NRG3: variants seen among roughly 807,000 people sequenced by gnomAD.
NRG3 encodes the protein pro-neuregulin-3, membrane-bound isoform.
NRG3 carries 31 observed loss-of-function variants against 66.9 expected under a neutral mutation model. The ratio of observed to expected loss-of-function variants is 0.46; its 90% confidence interval spans 0.35 to 0.63. NRG3 has a LOEUF of 0.63. NRG3 is among the 20% of genes least tolerant of loss of function. NRG3 has a pLI of 0.00. For missense variants in NRG3, 910 were observed against 878.9 expected (o/e 1.04, Z -0.45); for synonymous variants, 393 against 359.4 (o/e 1.09, Z -1.06).
chr10:82,960,596 G>A (rs1056018981), intron 6 of NRG3, among the ~76,000 whole-genome samples: 11 of 151,828 alleles, frequency 7.2e-5, no homozygotes, highest in African/African-American at 1.5e-4. Flanking sequence ...ACCTGCACGT[G>A]CACATCCAGA....
At chr10:82,407,806 C>T (rs1290884794) in intron 2 of NRG3, among the ~76,000 whole-genome samples, 2 of 152,122 alleles carry the variant, frequency 1.3e-5, no homozygotes, top group African/African-American at 2.4e-5. Flanking sequence ...TGTGGTGGCT[C>T]ATGCCTATAA....
rs1378135162 is a variant in NRG3 at position 82,392,007 on chromosome 10, AAAAC to A, written c.953+33143_953+33146del. Among the ~76,000 whole-genome samples, 937 of 148,056 alleles carry A rather than the reference AAAAC, an allele frequency of 6.3e-3. 29 individuals are homozygous for A. The highest frequency in any genetic ancestry group is 0.015 in the South Asian group (69 of 4,678). ...TCGAGCACATGCAAAAAAAAAAAAAAAAACAAAAAAAAAACCCACGAAACTAGGA... is the reference window on the plus strand; with the variant it reads ...TCGAGCACATGCAAAAAAAAAAAAAAAAAAAAAAAACCCACGAAACTAGGA... On this transcript the variant is annotated intron_variant, in intron 2 of 8. Transcript: ENST00000372141.
intron 3 of NRG3, among the ~76,000 whole-genome samples, chr10:82,765,554 A>G (rs1437092325): frequency 1.3e-5 from 2 of 152,224 alleles, no homozygotes; most frequent in African/African-American, 4.8e-5. Flanking sequence ...AATTAACACT[A>G]TTTTCCAGGA....
At chr10:82,468,646 G>T (rs937017675) in intron 2 of NRG3, among the ~76,000 whole-genome samples, 3 of 152,182 alleles carry the variant, frequency 2.0e-5, no homozygotes, top group Non-Finnish European at 4.4e-5. Flanking sequence ...TGTGAGGAGG[G>T]TGTTGAATTA....
intron 3 of NRG3, among the ~76,000 whole-genome samples, chr10:82,780,469 T>G (rs1283920638): frequency 1.3e-5 from 2 of 149,502 alleles, no homozygotes; most frequent in African/African-American, 2.5e-5. Flanking sequence ...GCCTCTTTTT[T>G]TTTTTCTTTT....
intron 2 of NRG3, among the ~76,000 whole-genome samples, chr10:82,542,572 A>G (rs2043615525): frequency 6.6e-6 from 1 of 152,266 alleles, no homozygotes; most frequent in Non-Finnish European, 1.5e-5. Flanking sequence ...GACTAACTGT[A>G]CTGTAAGAAA....
intron 1 of NRG3, among the ~76,000 whole-genome samples, chr10:82,126,783 A>G (rs1300654960): frequency 6.6e-6 from 1 of 152,002 alleles, no homozygotes; most frequent in Non-Finnish European, 1.5e-5. Context: ...GTTCTCTGCA[A>G]CCTGCGTAAG....
chr10:82,786,860 T>C (rs779217496), intron 3 of NRG3, among the ~76,000 whole-genome samples: 2 of 152,138 alleles, frequency 1.3e-5, no homozygotes, highest in Non-Finnish European at 2.9e-5. Flanking sequence ...GGAATGGGTT[T>C]CTGATAAACA....
chr10:81,884,397 ATGT>A (rs1842433961), intron 1 of NRG3, among the ~76,000 whole-genome samples: 1 of 152,168 alleles, frequency 6.6e-6, no homozygotes, highest in South Asian at 2.1e-4. Context: ...GATAAAGAAT[ATGT>A]TGTTCTGAAT....
chr10:82,985,279 A>G lies in NRG3; in HGVS notation c.1765A>G (p.Met589Val), dbSNP rs757926285. 6.2e-7 allele frequency: 1 copy of G among 1,614,186 alleles called. No homozygotes were observed. Among genetic ancestry groups the G allele is most frequent in the Non-Finnish European group, 8.5e-7 (1 of 1,180,010 alleles). Residue 589 changes from methionine (M) to valine (V), a missense_variant, in exon 9 of 9, where the codon ATG becomes GTG. Met to Val is a conservative substitution (Grantham distance 21). Transcript: ENST00000372141. ...SVGLEETCLQ[M>V]PGISEVKSIK... ...GGGTTTAGAGGAAACCTGCCTGCAA[A>G]TGCCAGGGATTTCTGAAGTCAAAAG...
chr10:82,475,321 T>A (rs1172106556), intron 2 of NRG3, among the ~76,000 whole-genome samples: 1 of 152,018 alleles, frequency 6.6e-6, no homozygotes, highest in African/African-American at 2.4e-5. Flanking sequence ...GACAGTATTA[T>A]AAACAATATA....
intron 1 of NRG3, among the ~76,000 whole-genome samples, chr10:82,134,439 C>T (rs1212714764): frequency 6.6e-6 from 1 of 151,914 alleles, no homozygotes; most frequent in East Asian, 1.9e-4. Flanking sequence ...TTTGGTATAT[C>T]GTATAAGGAA....
chr10:82,145,674 C>T (rs2070194796), intron 1 of NRG3, among the ~76,000 whole-genome samples: 2 of 152,190 alleles, frequency 1.3e-5, no homozygotes, highest in Admixed American at 6.5e-5. Flanking sequence ...TTCGTTAATA[C>T]TGCTCTGGTA....
chr10:81,906,281 C>T (rs1713818403), intron 1 of NRG3, among the ~76,000 whole-genome samples: 1 of 152,150 alleles, frequency 6.6e-6, no homozygotes, highest in Admixed American at 6.5e-5. Flanking sequence ...AAAACAGACC[C>T]TGCTCTTCAA....
intron 3 of NRG3, among the ~76,000 whole-genome samples, chr10:82,760,388 A>T (rs1354167849): frequency 6.6e-6 from 1 of 152,186 alleles, no homozygotes; most frequent in South Asian, 2.1e-4. Context: ...CAGATGTAGA[A>T]ATCAATCCAG....
intron 2 of NRG3, among the ~76,000 whole-genome samples, chr10:82,380,418 T>C (rs1489271651): frequency 1.3e-5 from 2 of 152,122 alleles, no homozygotes; most frequent in Non-Finnish European, 2.9e-5. Flanking sequence ...AAGTACTGTA[T>C]ATAAAGCATC....
Position 82,537,016 on chromosome 10 carries a change from A to G in NRG3, c.953+178148A>G, listed in dbSNP as rs571139099. ...TAAACTTGGAGAAAGTAGGTTTAGG[A>G]AAAACTTGAGGACCCAAGACTGATT... On this transcript the variant is annotated intron_variant, in intron 2 of 8. Coordinates refer to ENST00000372141, the MANE Select transcript of NRG3 (RefSeq NM_001010848.4). Among the ~76,000 whole-genome samples, 15 of 152,060 alleles carry G rather than the reference A, an allele frequency of 9.9e-5. No homozygotes were observed. In the South Asian group the frequency reaches 2.7e-3, roughly 27 times the overall value.
chr10:82,584,167 A>G (rs554100972), intron 2 of NRG3, among the ~76,000 whole-genome samples: 3 of 152,144 alleles, frequency 2.0e-5, no homozygotes, highest in African/African-American at 4.8e-5. Context: ...GCTCACTGCA[A>G]CCTCTGCCTC....
chr10:82,037,472 G>T (rs1410859936), intron 1 of NRG3, among the ~76,000 whole-genome samples: 1 of 152,158 alleles, frequency 6.6e-6, no homozygotes, highest in Admixed American at 6.5e-5. Flanking sequence ...AAGAGAGGCT[G>T]TATCCTGTCC....
Sources: gnomAD v4.1 joint callset for allele counts (sites outside exome capture counted in the v4.1 genomes callset) on GRCh38, gnomAD v4.1.1 for gene constraint, MANE v1.5 for transcripts, NCBI Gene and HGNC (gene_info 2026-07-23, HGNC 2026-07-21) for gene names.